Variants in CHODL observed in about 807,000 individuals in gnomAD.
The protein encoded by CHODL is transmembrane protein MT75.
Under a neutral mutation model 34.5 loss-of-function variants are expected in CHODL, and 29 were observed. The ratio of observed to expected loss-of-function variants is 0.84; its 90% CI spans 0.63 to 1.15. CHODL has a LOEUF of 1.15. Among genes scored for constraint, CHODL ranks in the 50% most tolerant of loss-of-function variants. CHODL has a pLI of 0.00. For missense variants in CHODL, 332 were observed against 332.5 expected (o/e 1.00, Z 0.01); for synonymous variants, 125 against 116.1 (o/e 1.08, Z -0.49).
At chr21:18,254,303 C>A (rs891569420) in intron 1 of CHODL, among the ~76,000 whole-genome samples, 1 of 151,336 alleles carries the variant, frequency 6.6e-6, no homozygotes, top group Non-Finnish European at 1.5e-5. Context: ...AGTAGAGAAA[C>A]TATTTCCTAA....
intron 2 of CHODL, among the ~76,000 whole-genome samples, chr21:18,143,307 T>G (rs1307200825): frequency 6.6e-6 from 1 of 152,198 alleles, no homozygotes; most frequent in Non-Finnish European, 1.5e-5. Flanking sequence ...TTGTGTCGAT[T>G]GATTTGACTT....
At chr21:17,996,098 C>T (rs373143108) in intron 1 of CHODL, among the ~76,000 whole-genome samples, 67 of 151,684 alleles carry the variant, frequency 4.4e-4, no homozygotes, top group Middle Eastern at 6.8e-3. Context: ...TGCAAAGGCT[C>T]ATTTTACCTA....
intron 1 of CHODL, among the ~76,000 whole-genome samples, chr21:18,246,498 T>G (rs373210803): frequency 6.6e-6 from 1 of 152,200 alleles, no homozygotes; most frequent in African/African-American, 2.4e-5. Context: ...AGTTCTTACA[T>G]GTGTAGTTAC....
At chr21:17,987,560 T>C (rs559728699) in intron 1 of CHODL, among the ~76,000 whole-genome samples, 1 of 152,270 alleles carries the variant, frequency 6.6e-6, no homozygotes, top group South Asian at 2.1e-4. Context: ...TCAATCAATT[T>C]TCATTTTGTC....
At chr21:17,930,844 C>T (rs1238306872) in intron 1 of CHODL, among the ~76,000 whole-genome samples, 1 of 152,170 alleles carries the variant, frequency 6.6e-6, no homozygotes, top group African/African-American at 2.4e-5. Flanking sequence ...TGTTCCTACA[C>T]TGGAGAACAG....
At chr21:18,038,543 C>G (rs1055643363) in intron 2 of CHODL, among the ~76,000 whole-genome samples, 3 of 151,772 alleles carry the variant, frequency 2.0e-5, no homozygotes, top group African/African-American at 7.2e-5. Context: ...TTTGCTTTCA[C>G]TGTATTTCCA....
At chr21:17,989,743 G>T (rs2063782347) in intron 1 of CHODL, among the ~76,000 whole-genome samples, 1 of 152,114 alleles carries the variant, frequency 6.6e-6, no homozygotes, top group South Asian at 2.1e-4. Context: ...GGCTTGTGAG[G>T]TTATTTACAA....
At chr21:17,926,470 T>A (rs1360621720) in intron 1 of CHODL, among the ~76,000 whole-genome samples, 1 of 152,056 alleles carries the variant, frequency 6.6e-6, no homozygotes, top group African/African-American at 2.4e-5. Context: ...GAAAGAAGTT[T>A]AATTAACTCA....
chr21:18,152,329 A>G (rs1015787019), intron 2 of CHODL, among the ~76,000 whole-genome samples: 1 of 152,206 alleles, frequency 6.6e-6, no homozygotes. Context: ...CAAATTAACT[A>G]TCACAAACTT....
intron 2 of CHODL, among the ~76,000 whole-genome samples, chr21:18,087,724 C>T (rs1425294543): frequency 1.3e-5 from 2 of 151,984 alleles, no homozygotes; most frequent in African/African-American, 2.4e-5. Context: ...TGGAATGTGG[C>T]CTGCTCACAA....
chr21:18,112,545 T>C (rs771034227), intron 2 of CHODL, among the ~76,000 whole-genome samples: 1 of 152,156 alleles, frequency 6.6e-6, no homozygotes, highest in African/African-American at 2.4e-5. Context: ...CAAAACAGCA[T>C]GCTGCTGGCA....
At chr21:18,033,170 G>A (rs3909844) in intron 2 of CHODL, among the ~76,000 whole-genome samples, 70,256 of 151,784 alleles carry the variant, frequency 0.46, 16,680 homozygotes, top group Admixed American at 0.54. Flanking sequence ...ATGGAACAGA[G>A]AAAATGCAAC....
At chr21:18,186,739 T>A (rs2073445647) in intron 2 of CHODL, among the ~76,000 whole-genome samples, 1 of 152,168 alleles carries the variant, frequency 6.6e-6, no homozygotes, top group Non-Finnish European at 1.5e-5. Flanking sequence ...ATCCACACAA[T>A]AATATTTCTA....
chr21:18,223,256 T>G (rs2073901179), intron 2 of CHODL, among the ~76,000 whole-genome samples: 1 of 152,200 alleles, frequency 6.6e-6, no homozygotes. Flanking sequence ...GCTATAATAT[T>G]TTATCACTGG....
intron 2 of CHODL, among the ~76,000 whole-genome samples, chr21:18,161,525 C>T (rs921615838): frequency 6.6e-6 from 1 of 152,210 alleles, no homozygotes; most frequent in Non-Finnish European, 1.5e-5. Context: ...ACACCTTCCA[C>T]TCTGAGAGTC....
intron 1 of CHODL, among the ~76,000 whole-genome samples, chr21:17,993,208 T>G (rs1240311278): frequency 8.5e-6 from 1 of 117,908 alleles, no homozygotes; most frequent in Non-Finnish European, 2.0e-5. Context: ...TGAGGTATGT[T>G]CTTTCTTTTT....
At chr21:18,034,084 ACT>A (rs2064280492) in intron 2 of CHODL, among the ~76,000 whole-genome samples, 1 of 151,966 alleles carries the variant, frequency 6.6e-6, no homozygotes, top group African/African-American at 2.4e-5. Flanking sequence ...AAGCTTGCCC[ACT>A]GTTTCTCTTG....
chr21:18,129,416 A>G (rs17002360), intron 2 of CHODL, among the ~76,000 whole-genome samples: 2,440 of 152,300 alleles, frequency 0.016, 68 homozygotes, highest in African/African-American at 0.056. Flanking sequence ...TTCAGAATGC[A>G]TTGTAGAAGC....
intron 2 of CHODL, among the ~76,000 whole-genome samples, chr21:18,183,445 T>C (rs1006688): frequency 0.061 from 9,231 of 152,270 alleles, 835 homozygotes; most frequent in East Asian, 0.42. Context: ...ATGTACAAAG[T>C]AGAGGATTTG....
Sources: allele counts gnomAD v4.1 joint callset (sites outside exome capture counted in the v4.1 genomes callset), GRCh38; gene constraint gnomAD v4.1.1; transcripts MANE v1.5; gene names NCBI Gene and HGNC (gene_info 2026-07-23, HGNC 2026-07-21).